FLRT2: variants seen among roughly 807,000 people sequenced by gnomAD.
FLRT2 encodes fibronectin leucine rich transmembrane protein 2, also known as leucine-rich repeat transmembrane protein FLRT2.
FLRT2 carries 15 observed loss-of-function variants against 40.0 expected under a neutral mutation model. The ratio of observed to expected loss-of-function variants is 0.38; its 90% confidence interval spans 0.25 to 0.58. FLRT2 has a LOEUF of 0.58. FLRT2 is among the 20% of genes least tolerant of loss of function. FLRT2 has a pLI of 0.71. For missense variants in FLRT2, 726 were observed against 840.0 expected (o/e 0.86, Z 1.68); for synonymous variants, 380 against 336.8 (o/e 1.13, Z -1.41).
At position 85,532,557 on chromosome 14, in the gene FLRT2, T is replaced by G. The variant is rs560382975; in HGVS notation, c.-377+2023T>G. 5.9e-5 allele frequency among the ~76,000 whole-genome samples: 9 copies of G among 152,288 alleles called. 1 individual carries two copies. In the South Asian group the frequency reaches 1.7e-3, roughly 28 times the overall value. ...AGCTGTCAAGACTGTTTCCTAATCTTTAGGCTGAATCTTTCTTTGTCCGCT... is the reference window on the plus strand; with the variant it reads ...AGCTGTCAAGACTGTTTCCTAATCTGTAGGCTGAATCTTTCTTTGTCCGCT... On this transcript the variant is annotated intron_variant, in intron 1 of 1. Coordinates refer to ENST00000330753, the MANE Select transcript of FLRT2 (RefSeq NM_013231.6).
Position 85,636,929 on chromosome 14 carries a change from CAAAAAAAAAAAAAAAAAA to C in FLRT2, c.*13440_*13457del, listed in dbSNP as rs397853459. ...GGGTGACAGAGCGATACTTCGTCTC[CAAAAAAAAAAAAAAAAAA>C]AAAAAAAGAGAGAGACTAACATTCT... is the stretch of plus-strand genomic sequence containing the variant. On this transcript the variant is annotated 3_prime_UTR_variant, in exon 2 of 2. Transcript: ENST00000330753. 2.6e-5 allele frequency: 1 copy of C among 38,620 alleles called. No individual in the cohort carries two copies. The highest frequency in any genetic ancestry group is 9.0e-5 in the African/African-American group (1 of 11,106). 2.4% of individuals were successfully genotyped at this position (38,620 alleles called of 1,614,324 possible).
chr14:85,531,602 C>A (rs1335040612), intron 1 of FLRT2, among the ~76,000 whole-genome samples: 1 of 152,118 alleles, frequency 6.6e-6, no homozygotes, highest in Non-Finnish European at 1.5e-5. Context: ...CTCCTGCCAG[C>A]GGCAGTTACT....
intron 1 of FLRT2, among the ~76,000 whole-genome samples, chr14:85,607,547 C>T (rs1054763864): frequency 1.3e-5 from 2 of 152,134 alleles, no homozygotes; most frequent in African/African-American, 2.4e-5. Flanking sequence ...AGAAAGTTTT[C>T]GGCTCCAGGA....
Position 85,609,589 on chromosome 14 carries a change from C to T in FLRT2, c.-376-11550C>T, listed in dbSNP as rs549074890. Reference sequence around the variant, plus strand: ...ATACCTAGTTTCTGCACCTGTGAGTCCCCCCAAAAGACAAAGTAACTCCGT... The same window carrying T: ...ATACCTAGTTTCTGCACCTGTGAGTTCCCCCAAAAGACAAAGTAACTCCGT... On this transcript the variant is annotated intron_variant, in intron 1 of 1. Transcript: ENST00000330753. 6.6e-5 allele frequency among the ~76,000 whole-genome samples: 10 copies of T among 152,272 alleles called. No individual in the cohort carries two copies. In the South Asian group the frequency reaches 2.1e-3, roughly 32 times the overall value.
chr14:85,563,964 C>G (rs1890493934), intron 1 of FLRT2, among the ~76,000 whole-genome samples: 1 of 152,124 alleles, frequency 6.6e-6, no homozygotes. Flanking sequence ...AAGGGAGACA[C>G]TCATGTAGAA....
At position 85,623,255 on chromosome 14, in the gene FLRT2, C is replaced by T. The variant is rs1157482367; in HGVS notation, c.1741C>T (p.Arg581Trp). Residue 581 changes from arginine (R) to tryptophan (W), a missense_variant, in exon 2 of 2, where the codon CGG becomes TGG. Coordinates refer to ENST00000330753, the MANE Select transcript of FLRT2 (RefSeq NM_013231.6). ...RYTSQKWKYN[R>W]GRRKDDYCEA... ...CACCTCCCAGAAGTGGAAATACAAC[C>T]GGGGCCGGCGGAAAGATGATTATTG... is the stretch of plus-strand genomic sequence containing the variant. The T allele has an allele frequency of 1.3e-6, 2 of 1,515,688 alleles. No individual in the cohort carries two copies. The highest frequency in any genetic ancestry group is 1.3e-5 in the South Asian group (1 of 74,848). The allele number at this position is 1,515,688 out of a possible 1,614,324, so 93.9% of individuals were successfully genotyped here.
At chr14:85,590,362 C>T (rs1461450734) in intron 1 of FLRT2, among the ~76,000 whole-genome samples, 1 of 152,016 alleles carries the variant, frequency 6.6e-6, no homozygotes, top group Non-Finnish European at 1.5e-5. Context: ...TCTTCTTGTC[C>T]CTTCTGTTTT....
chr14:85,612,587 T>A (rs1892938108), intron 1 of FLRT2, among the ~76,000 whole-genome samples: 1 of 152,018 alleles, frequency 6.6e-6, no homozygotes, highest in Non-Finnish European at 1.5e-5. Flanking sequence ...AAGGAGAGGG[T>A]CAAGGATAAT....
chr14:85,595,699 C>T (rs1357447696), intron 1 of FLRT2, among the ~76,000 whole-genome samples: 3 of 152,080 alleles, frequency 2.0e-5, no homozygotes, highest in Non-Finnish European at 4.4e-5. Context: ...CAAAGGGCAT[C>T]GATAGAATTA....
At chr14:85,544,801 G>A (rs1480596839) in intron 1 of FLRT2, among the ~76,000 whole-genome samples, 1 of 152,198 alleles carries the variant, frequency 6.6e-6, no homozygotes, top group Non-Finnish European at 1.5e-5. Context: ...TTTCGCGGTA[G>A]ATTGCCATTT....
intron 1 of FLRT2, among the ~76,000 whole-genome samples, chr14:85,605,692 C>A (rs1892575697): frequency 6.6e-6 from 1 of 152,058 alleles, no homozygotes. Flanking sequence ...ATGGCATGAA[C>A]TGGAGCTCGC....
intron 1 of FLRT2, among the ~76,000 whole-genome samples, chr14:85,576,266 C>CT (rs1555367666): frequency 2.6e-5 from 4 of 152,078 alleles, no homozygotes; most frequent in Admixed American, 1.3e-4. Context: ...TAAGTATTTA[C>CT]TTTTTTTTGT....
intron 1 of FLRT2, among the ~76,000 whole-genome samples, chr14:85,549,014 G>C (rs1019322366): frequency 2.2e-4 from 34 of 152,154 alleles, no homozygotes; most frequent in African/African-American, 8.2e-4. Flanking sequence ...CCTTGGAGAA[G>C]AGTTTGACCA....
In FLRT2 at chr14:85,630,285, CTTTTTTTTTT is replaced by C. The variant is rs781639291; in HGVS notation, c.*6801_*6810del. ...CATACCAATGGGTGATCATATCTGT[CTTTTTTTTTT>C]TTTTTTTTTTTTGGTATGAAGTCTA... On this transcript the variant is annotated 3_prime_UTR_variant, in exon 2 of 2. Transcript: ENST00000330753. 6.4e-5 allele frequency: 6 copies of C among 93,456 alleles called. No homozygotes were observed. The highest frequency in any genetic ancestry group is 1.2e-4 in the African/African-American group (3 of 24,036). The allele number at this position is 93,456 out of a possible 1,614,324, so 5.8% of individuals were successfully genotyped here.
intron 1 of FLRT2, among the ~76,000 whole-genome samples, chr14:85,587,959 T>A (rs1031152559): frequency 1.3e-5 from 2 of 151,450 alleles, no homozygotes; most frequent in Non-Finnish European, 2.9e-5. Context: ...TGAGATGGAG[T>A]CTTGCTCTGT....
chr14:85,650,488 A>G lies in FLRT2; in HGVS notation c.*26991A>G, dbSNP rs188349042. On this transcript the variant is annotated 3_prime_UTR_variant, in exon 2 of 2. Transcript: ENST00000330753. ...GTTCCTAAACACACACAGTGTATCTAGAATTTGAATTGCTAAAATTGAACA... is the reference window on the plus strand; with the variant it reads ...GTTCCTAAACACACACAGTGTATCTGGAATTTGAATTGCTAAAATTGAACA... 90 of 152,146 alleles carry G rather than the reference A, an allele frequency of 5.9e-4. No homozygotes were observed. The highest frequency in any genetic ancestry group is 2.1e-3 in the African/African-American group (88 of 41,554). 9.4% of individuals were successfully genotyped at this position (152,146 alleles called of 1,614,324 possible). A position where few individuals can be genotyped will look rare whatever the true frequency, so the allele number is the denominator to read the frequency against.
chr14:85,535,892 GTTTTTTTTTTTT>G (rs71454768), intron 1 of FLRT2, among the ~76,000 whole-genome samples: 1 of 57,898 alleles, frequency 1.7e-5, no homozygotes, highest in Non-Finnish European at 3.4e-5. Context: ...AAGGAATGCT[GTTTTTTTTTTTT>G]TTTTTTTTTT....
At chr14:85,555,418 C>T (rs570371581) in intron 1 of FLRT2, among the ~76,000 whole-genome samples, 12 of 152,014 alleles carry the variant, frequency 7.9e-5, no homozygotes, top group African/African-American at 1.9e-4. Context: ...TAGTGGAAGG[C>T]GAAAAGCACA....
At chr14:85,561,156 C>T (rs957128231) in intron 1 of FLRT2, 3 of 152,086 alleles carry the variant, frequency 2.0e-5, no homozygotes, top group South Asian at 2.1e-4. Flanking sequence ...TGCACAACCC[C>T]GTGATTTGAA....
Sources: allele counts gnomAD v4.1 joint callset (sites outside exome capture counted in the v4.1 genomes callset), GRCh38; gene constraint gnomAD v4.1.1; transcripts MANE v1.5; gene names NCBI Gene and HGNC (gene_info 2026-07-23, HGNC 2026-07-21).